The following TMEM37 variants were observed in gnomAD, a reference collection of about 807,000 sequenced individuals.
TMEM37 encodes the protein voltage-dependent calcium channel gamma-like subunit.
In TMEM37, 12 loss-of-function variants were observed where a neutral mutation model predicts 11.0. The observed-to-expected ratio is 1.09, with a 90% CI of 0.70 to 1.76. TMEM37 has a LOEUF of 1.76. TMEM37 is among the 40% of genes most tolerant of loss of function. TMEM37 has a pLI of 0.00. For missense variants in TMEM37, 203 were observed against 251.2 expected (o/e 0.81, Z 1.30); for synonymous variants, 127 against 110.5 (o/e 1.15, Z -0.94).
In TMEM37 at chr2:119,437,573, C is replaced by A; in HGVS notation, c.*133C>A. The A allele has an allele frequency of 1.6e-6, 2 of 1,239,386 alleles. No homozygotes were observed. The highest frequency in any genetic ancestry group is 2.4e-5 in the East Asian group (1 of 42,032). The allele number at this position is 1,239,386 out of a possible 1,614,324, so 76.8% of individuals were successfully genotyped here. A position where few individuals can be genotyped will look rare whatever the true frequency, so the allele number is the denominator to read the frequency against. ...GGCCTTGAAACGGCTGCCTGTTTGCCGATAACTTGTGGGTGGTCAGCCAGA... is the reference window on the plus strand; with the variant it reads ...GGCCTTGAAACGGCTGCCTGTTTGCAGATAACTTGTGGGTGGTCAGCCAGA... On this transcript the variant is annotated 3_prime_UTR_variant, in exon 2 of 2. Coordinates refer to ENST00000306406, the MANE Select transcript of TMEM37 (RefSeq NM_183240.3).
intron 1 of TMEM37, chr2:119,432,260 CCATAAGG>C (rs1682416779): frequency 1.1e-5 from 3 of 268,024 alleles, no homozygotes. Context: ...GGTCAGTTTA[CCATAAGG>C]GTCCCCCTTT....
intron 1 of TMEM37, among the ~76,000 whole-genome samples, chr2:119,433,028 C>A (rs559399663): frequency 1.3e-5 from 2 of 152,228 alleles, no homozygotes; most frequent in Admixed American, 6.5e-5. Flanking sequence ...TCTGGAATCC[C>A]GGCCAGGCAG....
upstream of TMEM37, chr2:119,431,808 C>T: frequency 9.5e-7 from 1 of 1,054,298 alleles, no homozygotes; most frequent in Non-Finnish European, 1.2e-6. Context: ...CCTCCAGCAG[C>T]CGCCCCGCCC....
Position 119,437,456 on chromosome 2 carries a change from G to GC in TMEM37, c.*21dup, listed in dbSNP as rs758400671. 6.2e-7 allele frequency: 1 copy of GC among 1,605,940 alleles called. No individual in the cohort carries two copies. The highest frequency in any genetic ancestry group is 1.1e-5 in the South Asian group (1 of 89,718). On this transcript the variant is annotated 3_prime_UTR_variant, in exon 2 of 2. Transcript: ENST00000306406. ...CTGGGAATGACCGTGGAAATTTTAG[G>GC]CCCCCTCCAGGGACATCAGATTCCA...
chr2:119,436,755 G>A lies in TMEM37; in HGVS notation c.22-134G>A, dbSNP rs115693246. The A allele has an allele frequency of 0.021, 15,384 of 733,364 alleles. 210 individuals carry two copies. The highest frequency in any genetic ancestry group is 0.032 in the Middle Eastern group (80 of 2,486). The allele number at this position is 733,364 out of a possible 1,614,324, so 45.4% of individuals were successfully genotyped here. ...CCAAACGGTGGGTCTGGTCTGTTCC[G>A]GGCTTCACAGGAGACCAAGCAGAGA... On this transcript the variant is annotated intron_variant, in intron 1 of 1. Coordinates refer to ENST00000306406, the MANE Select transcript of TMEM37 (RefSeq NM_183240.3).
chr2:119,435,176 CA>C (rs1682473365), intron 1 of TMEM37, among the ~76,000 whole-genome samples: 1 of 152,258 alleles, frequency 6.6e-6, no homozygotes, highest in African/African-American at 2.4e-5. Context: ...GTGCTGAAAG[CA>C]AACTGCATCC....
chr2:119,436,746 G>A (rs1682503250), intron 1 of TMEM37, 143 bp from the exon 2 acceptor site: 1 of 688,264 alleles, frequency 1.5e-6, no homozygotes, highest in South Asian at 1.9e-5. Context: ...GGTGGGTCTG[G>A]TCTGTTCCGG....
chr2:119,430,883 T>G (rs1234135156), upstream of TMEM37, among the ~76,000 whole-genome samples: 1 of 152,176 alleles, frequency 6.6e-6, no homozygotes, highest in Non-Finnish European at 1.5e-5. Flanking sequence ...ATGCCTGTAA[T>G]CCTAGCACTT....
intron 1 of TMEM37, among the ~76,000 whole-genome samples, chr2:119,433,889 T>C (rs1224015744): frequency 2.0e-5 from 3 of 152,108 alleles, no homozygotes; most frequent in Non-Finnish European, 4.4e-5. Context: ...GAAGACTCTA[T>C]ATGTGTTATT....
At chr2:119,432,626 C>T (rs1682426793) in intron 1 of TMEM37, among the ~76,000 whole-genome samples, 1 of 152,184 alleles carries the variant, frequency 6.6e-6, no homozygotes, top group South Asian at 2.1e-4. Context: ...GTGGCGGTAC[C>T]GCTGCCCAGC....
Position 119,437,151 on chromosome 2 carries a change from G to A in TMEM37, c.284G>A (p.Gly95Asp), listed in dbSNP as rs147346020. ...AVGMGLVRSV[G>D]ALAVVAAIFG... is the part of the protein sequence containing the mutation. ...GGCATGGGCCTGGTACGCAGCGTGG[G>A]CGCCTTGGCCGTGGTGGCCGCCATT... The change falls in exon 2 of 2, where the codon GGC (glycine) becomes GAC (aspartate). Residue 95 changes from glycine to aspartate, a missense_variant. Physicochemically the swap from Gly to Asp is moderately conservative, Grantham distance 94. Transcript: ENST00000306406. 707 of 1,614,254 alleles carry A rather than the reference G, an allele frequency of 4.4e-4. 7 individuals carry two copies. The African/African-American group carries it at 8.6e-3, about 20-fold the overall frequency.
At chr2:119,431,692 C>T (rs935047473), upstream of TMEM37, among the ~76,000 whole-genome samples, 2 of 146,974 alleles carry the variant, frequency 1.4e-5, no homozygotes, top group African/African-American at 4.9e-5. Context: ...CTCCTCCGGC[C>T]GCCCTCGCTG....
chr2:119,432,137 G>C, intron 1 of TMEM37: 1 of 376,618 alleles, frequency 2.7e-6, no homozygotes, highest in Non-Finnish European at 4.7e-6. Context: ...TCACATAGCT[G>C]CTCCCGAGGC....
chr2:119,437,332 C>T lies in TMEM37; in HGVS notation c.465C>T (p.Leu155=), dbSNP rs1267163701. The change falls in exon 2 of 2, where the codon CTC becomes CTT. Residue 155 remains leucine (L), a synonymous_variant. Coordinates refer to ENST00000306406, the MANE Select transcript of TMEM37 (RefSeq NM_183240.3). The part of the protein sequence containing the change: ...FVILLRNQVT[L]IGFTLMFWCE... Reference sequence around the variant, plus strand: ...TCCTCCTCAGGAACCAAGTCACACTCATCGGCTTCACCCTAATGTTTTGGT... The same window carrying T: ...TCCTCCTCAGGAACCAAGTCACACTTATCGGCTTCACCCTAATGTTTTGGT... 2 of 1,614,144 alleles carry T rather than the reference C, an allele frequency of 1.2e-6. No homozygotes were observed. Among genetic ancestry groups the T allele is most frequent in the Admixed American group, 3.3e-5 (2 of 60,008 alleles).
At chr2:119,430,853 C>T (rs1488924434), upstream of TMEM37, among the ~76,000 whole-genome samples, 1 of 152,150 alleles carries the variant, frequency 6.6e-6, no homozygotes, top group African/African-American at 2.4e-5. Context: ...GAACTCAGAT[C>T]CGGCCGGATG....
chr2:119,436,762 A>G, intron 1 of TMEM37, 127 bp from the exon 2 acceptor site: 3 of 788,934 alleles, frequency 3.8e-6, no homozygotes. Flanking sequence ...TCCGGGCTTC[A>G]CAGGAGACCA....
At chr2:119,431,550 G>C (rs377032438), upstream of TMEM37, among the ~76,000 whole-genome samples, 167 of 152,348 alleles carry the variant, frequency 1.1e-3, no homozygotes, top group African/African-American at 3.9e-3. Context: ...CCCAGCCCTC[G>C]AGGAATCTGC....
At chr2:119,434,045 G>A (rs1682453868) in intron 1 of TMEM37, among the ~76,000 whole-genome samples, 1 of 152,144 alleles carries the variant, frequency 6.6e-6, no homozygotes, top group Non-Finnish European at 1.5e-5. Flanking sequence ...AGGAGCGGGA[G>A]GAAACTAGAT....
Position 119,437,107 on chromosome 2 carries a change from T to C in TMEM37, c.240T>C (p.His80=). The change falls in exon 2 of 2, where the codon CAT becomes CAC. Residue 80 remains histidine (H), a synonymous_variant. Coordinates refer to ENST00000306406, the MANE Select transcript of TMEM37 (RefSeq NM_183240.3). ...TICFRDLGQA[H]VPGLAVGMGL... ...GCTTCAGAGACCTGGGCCAGGCCCA[T>C]GTGCCCGGGCTGGCCGTGGGCATGG... 1 of 1,613,958 alleles carries C rather than the reference T, an allele frequency of 6.2e-7. No individual in the cohort carries two copies. The highest frequency in any genetic ancestry group is 8.5e-7 in the Non-Finnish European group (1 of 1,179,920).
Sources: gnomAD v4.1 joint callset for allele counts (sites outside exome capture counted in the v4.1 genomes callset) on GRCh38, gnomAD v4.1.1 for gene constraint, MANE v1.5 for transcripts, NCBI Gene and HGNC (gene_info 2026-07-23, HGNC 2026-07-21) for gene names.